ARF3: variants seen among roughly 807,000 people sequenced by gnomAD.
ARF3 encodes ARF GTPase 3, also known as ADP-ribosylation factor 3.
Under a neutral mutation model 19.3 loss-of-function variants are expected in ARF3, and 5 were observed. The observed-to-expected ratio is 0.26, with a 90% CI of 0.14 to 0.54. The LOEUF (loss-of-function observed/expected upper bound fraction) is 0.54. Ranked by LOEUF, ARF3 falls within the 20% of genes least tolerant of loss-of-function variation. The pLI is 0.95. For missense variants in ARF3, 77 were observed against 234.2 expected, an observed-to-expected ratio of 0.33 and a Z score of 4.38; for synonymous variants, 71 against 89.2, an observed-to-expected ratio of 0.80 and a Z score of 1.15.
intron 1 of ARF3, among the ~76,000 whole-genome samples, chr12:48,945,362 GA>G (rs1187132570): frequency 6.6e-6 from 1 of 152,070 alleles, no homozygotes; most frequent in Non-Finnish European, 1.5e-5. Flanking sequence ...GGCGGAACAC[GA>G]GGTCAGGAGA....
At chr12:48,946,131 C>A (rs1294073106) in intron 1 of ARF3, among the ~76,000 whole-genome samples, 1 of 152,128 alleles carries the variant, frequency 6.6e-6, no homozygotes, top group Non-Finnish European at 1.5e-5. Flanking sequence ...TAATCTGGAG[C>A]TTGACTTAAA....
intron 1 of ARF3, among the ~76,000 whole-genome samples, chr12:48,947,152 C>T (rs1352417174): frequency 6.6e-6 from 1 of 152,102 alleles, no homozygotes; most frequent in Non-Finnish European, 1.5e-5. Context: ...GCAGCTGGCT[C>T]GTGACCTGTG....
chr12:48,942,842 C>T (rs1454344498), intron 1 of ARF3, among the ~76,000 whole-genome samples: 1 of 152,210 alleles, frequency 6.6e-6, no homozygotes, highest in Non-Finnish European at 1.5e-5. Flanking sequence ...CGCAGTGGCT[C>T]ACGCCTGTAA....
In ARF3 at chr12:48,939,179, C is replaced by G; in HGVS notation, c.385-71G>C. 15 of 1,510,404 alleles carry G rather than the reference C, an allele frequency of 9.9e-6. No individual in the cohort carries two copies. Among genetic ancestry groups the G allele is most frequent in the Non-Finnish European group, 1.4e-5 (15 of 1,110,922 alleles). 93.6% of individuals were successfully genotyped at this position (1,510,404 alleles called of 1,614,324 possible). On this transcript the variant is annotated intron_variant, in intron 4 of 4. Coordinates refer to ENST00000256682, the MANE Select transcript of ARF3 (RefSeq NM_001659.3). This position sits in a 1 kb window ranked among gnomAD's most constrained non-coding sequence, Gnocchi z 4.8. Reference sequence around the variant, plus strand: ...AAAGGCTTCTAGAACACCCATCTACCAAAGAAATGTGTACCAGCACCTTCC... The same window carrying G: ...AAAGGCTTCTAGAACACCCATCTACGAAAGAAATGTGTACCAGCACCTTCC...
At chr12:48,949,351 G>A (rs1334539539) in intron 1 of ARF3, among the ~76,000 whole-genome samples, 1 of 151,796 alleles carries the variant, frequency 6.6e-6, no homozygotes, top group African/African-American at 2.4e-5. Context: ...TCAGCCTCCC[G>A]AGTAGCTGGG....
chr12:48,941,154 G>T lies in ARF3; in HGVS notation c.-59C>A. 6.5e-7 allele frequency: 1 copy of T among 1,545,136 alleles called. No individual in the cohort carries two copies. The highest frequency in any genetic ancestry group is 8.8e-7 in the Non-Finnish European group (1 of 1,140,690). On this transcript the variant is annotated 5_prime_UTR_variant, in exon 2 of 5. Coordinates refer to ENST00000256682, the MANE Select transcript of ARF3 (RefSeq NM_001659.3). ...CCCAAGTAGGGGCAGTGGCAGTCTG[G>T]TTTTGGCCTGGTCCCTGGTATGGAA... is the stretch of plus-strand genomic sequence containing the variant.
In ARF3 at chr12:48,936,438, G is replaced by A. The variant is rs535549770; in HGVS notation, c.*2509C>T. 2.0e-5 allele frequency: 3 copies of A among 152,738 alleles called. 1 individual carries two copies. The highest frequency in any genetic ancestry group is 7.2e-5 in the African/African-American group (3 of 41,558). 9.5% of individuals were successfully genotyped at this position (152,738 alleles called of 1,614,324 possible). A position where few individuals can be genotyped will look rare whatever the true frequency, so the allele number is the denominator to read the frequency against. ...AGCATAAAATTAAACCTACCAGAGA[G>A]GAGAGGAGAGGGAGTGGGCAGAAAT... On this transcript the variant is annotated 3_prime_UTR_variant, in exon 5 of 5. Transcript: ENST00000256682.
chr12:48,957,073 G>A (rs1240093711), intron 1 of ARF3: 3 of 152,406 alleles, frequency 2.0e-5, no homozygotes, highest in Non-Finnish European at 4.4e-5. Context: ...CTTGAGCGAG[G>A]CGGAGGACAA....
At chr12:48,940,705 T>G (rs1940241113) in intron 2 of ARF3, among the ~76,000 whole-genome samples, 2 of 152,208 alleles carry the variant, frequency 1.3e-5, no homozygotes, top group Admixed American at 1.3e-4. Flanking sequence ...ACCAACTCCG[T>G]GCCTGAGGGC....
At chr12:48,947,161 T>G (rs1172562428) in intron 1 of ARF3, among the ~76,000 whole-genome samples, 1 of 152,180 alleles carries the variant, frequency 6.6e-6, no homozygotes, top group Admixed American at 6.5e-5. Flanking sequence ...TCGTGACCTG[T>G]GTAAACTCCA....
At position 48,936,425 on chromosome 12, in the gene ARF3, A is replaced by C. The variant is rs1205385907; in HGVS notation, c.*2522T>G. On this transcript the variant is annotated 3_prime_UTR_variant, in exon 5 of 5. Transcript: ENST00000256682. ...TGGAATCAGGGAAAGCATAAAATTA[A>C]ACCTACCAGAGAGGAGAGGAGAGGG... 6.6e-6 allele frequency: 1 copy of C among 152,656 alleles called. No homozygotes were observed. The highest frequency in any genetic ancestry group is 1.5e-5 in the Non-Finnish European group (1 of 68,066). The allele number at this position is 152,656 out of a possible 1,614,324, so 9.5% of individuals were successfully genotyped here.
At chr12:48,946,751 T>TA (rs1940364763) in intron 1 of ARF3, among the ~76,000 whole-genome samples, 1 of 152,248 alleles carries the variant, frequency 6.6e-6, no homozygotes, top group Non-Finnish European at 1.5e-5. Context: ...GCTGTTGCTG[T>TA]AACTGGCTAC....
chr12:48,944,885 C>T (rs992520210), intron 1 of ARF3, among the ~76,000 whole-genome samples: 4 of 152,198 alleles, frequency 2.6e-5, no homozygotes, highest in Admixed American at 1.3e-4. Flanking sequence ...CATGGTGGCT[C>T]ATGCCTGTAA....
At chr12:48,952,647 A>C (rs571657245) in intron 1 of ARF3, among the ~76,000 whole-genome samples, 1 of 152,350 alleles carries the variant, frequency 6.6e-6, no homozygotes, top group South Asian at 2.1e-4. Flanking sequence ...GTCAAGATGG[A>C]GCTGACAGTA....
In ARF3 at chr12:48,938,467, T is replaced by C. The variant is rs1385280434; in HGVS notation, c.*480A>G. The stretch of plus-strand genomic sequence containing the variant: ...CCCCACAAATATATCTCTCTATACA[T>C]GTATATACAGGCGCACACATGCACG... On this transcript the variant is annotated 3_prime_UTR_variant, in exon 5 of 5. Transcript: ENST00000256682. 9.1e-6 allele frequency: 4 copies of C among 439,972 alleles called. No individual in the cohort carries two copies. Among genetic ancestry groups the C allele is most frequent in the Middle Eastern group, 3.8e-4 (1 of 2,618 alleles). The allele number at this position is 439,972 out of a possible 1,614,324, so 27.3% of individuals were successfully genotyped here. A position where few individuals can be genotyped will look rare whatever the true frequency, so the allele number is the denominator to read the frequency against.
In ARF3 at chr12:48,939,170, C is replaced by T; in HGVS notation, c.385-62G>A. ...GGATTTTTTAAAGGCTTCTAGAACACCCATCTACCAAAGAAATGTGTACCA... is the reference window on the plus strand; with the variant it reads ...GGATTTTTTAAAGGCTTCTAGAACATCCATCTACCAAAGAAATGTGTACCA... On this transcript the variant is annotated intron_variant, in intron 4 of 4. Coordinates refer to ENST00000256682, the MANE Select transcript of ARF3 (RefSeq NM_001659.3). The surrounding 1 kb of genome is among the most constrained non-coding windows in gnomAD (Gnocchi z 4.8). 1 of 1,541,986 alleles carries T rather than the reference C, an allele frequency of 6.5e-7. No individual in the cohort carries two copies. The highest frequency in any genetic ancestry group is 1.9e-5 in the Admixed American group (1 of 52,620).
intron 1 of ARF3, among the ~76,000 whole-genome samples, chr12:48,943,782 GC>G (rs1940308201): frequency 6.6e-6 from 1 of 152,154 alleles, no homozygotes; most frequent in Non-Finnish European, 1.5e-5. Context: ...AATGAGCCAG[GC>G]GTGGCACTCT....
rs973363972 is a variant in ARF3 at position 48,957,355 on chromosome 12, C to A, written c.-139G>T. On this transcript the variant is annotated 5_prime_UTR_variant, in exon 1 of 5. Coordinates refer to ENST00000256682, the MANE Select transcript of ARF3 (RefSeq NM_001659.3). ...GCCGCTGCGGCCGCCGCCTCTGCCC[C>A]GCAGGTTCCGCTCCGCTCCCTCTGG... The A allele has an allele frequency of 6.4e-6, 1 of 155,336 alleles. No homozygotes were observed. The highest frequency in any genetic ancestry group is 2.4e-5 in the African/African-American group (1 of 41,622). The allele number at this position is 155,336 out of a possible 1,614,324, so 9.6% of individuals were successfully genotyped here.
rs1416400405 is a variant in ARF3, at chr12:48,938,122, G to T, written c.*825C>A. 1 of 321,226 alleles carries T rather than the reference G, an allele frequency of 3.1e-6. No individual in the cohort carries two copies. Among genetic ancestry groups the T allele is most frequent in the African/African-American group, 2.2e-5 (1 of 46,378 alleles). 19.9% of individuals were successfully genotyped at this position (321,226 alleles called of 1,614,324 possible). On this transcript the variant is annotated 3_prime_UTR_variant, in exon 5 of 5. Transcript: ENST00000256682. The stretch of plus-strand genomic sequence containing the variant: ...GTGGGTTCCTCTCTCCTTCCCAACA[G>T]TAAGGCAGAGCAGAGTGGCATCTCC...
Sources: gnomAD v4.1 joint callset for allele counts (sites outside exome capture counted in the v4.1 genomes callset) on GRCh38, gnomAD v4.1.1 for gene constraint, Gnocchi (gnomAD v3.1) non-coding constraint, MANE v1.5 for transcripts, NCBI Gene and HGNC (gene_info 2026-07-23, HGNC 2026-07-21) for gene names.